The following RSU1 variants were observed in gnomAD, a reference collection of about 807,000 sequenced individuals.
RSU1 encodes rsu-1.
Under a neutral mutation model 31.1 loss-of-function variants are expected in RSU1, and 26 were observed. The observed-to-expected ratio is 0.84, with a 90% CI of 0.61 to 1.16. The LOEUF (loss-of-function observed/expected upper bound fraction) is 1.16, where lower values mean the gene tolerates loss of function less well. Among genes scored for constraint, RSU1 ranks in the 50% most tolerant of loss-of-function variants. The pLI, the probability that RSU1 is intolerant of heterozygous loss-of-function variation, is 0.00. For missense variants in RSU1, 320 were observed against 339.1 expected (o/e 0.94, Z 0.44); for synonymous variants, 164 against 136.3 (o/e 1.20, Z -1.41).
At chr10:16,727,256 G>A (rs1034197295) in intron 7 of RSU1, 1 of 395,384 alleles carries the variant, frequency 2.5e-6, no homozygotes, top group Non-Finnish European at 5.2e-6. Flanking sequence ...ATTTCACAGA[G>A]GAGATAACTT....
chr10:16,814,548 G>C (rs1007653610), intron 2 of RSU1, among the ~76,000 whole-genome samples: 1 of 151,998 alleles, frequency 6.6e-6, no homozygotes, highest in Non-Finnish European at 1.5e-5. Flanking sequence ...CACTGTGTCA[G>C]TGTGTGTGCA....
At chr10:16,713,794 T>A (rs978393787) in intron 7 of RSU1, among the ~76,000 whole-genome samples, 1 of 152,204 alleles carries the variant, frequency 6.6e-6, no homozygotes, top group African/African-American at 2.4e-5. Flanking sequence ...GAACATCTAG[T>A]GGAATAGTGA....
intron 3 of RSU1, among the ~76,000 whole-genome samples, chr10:16,780,907 C>G (rs7100686): frequency 0.24 from 36,326 of 152,150 alleles, 4,735 homozygotes; most frequent in African/African-American, 0.33. Flanking sequence ...CGTCACTCTG[C>G]CTTTGCCTTA....
intron 2 of RSU1, among the ~76,000 whole-genome samples, chr10:16,788,179 G>A (rs948644682): frequency 6.6e-6 from 1 of 152,212 alleles, no homozygotes; most frequent in Non-Finnish European, 1.5e-5. Flanking sequence ...TCAGCTTCAT[G>A]TAAGAGCAAA....
chr10:16,805,306 G>C (rs1283589961), intron 2 of RSU1, among the ~76,000 whole-genome samples: 1 of 152,152 alleles, frequency 6.6e-6, no homozygotes, highest in African/African-American at 2.4e-5. Flanking sequence ...TAGGAACGGG[G>C]GATGGAGGAG....
intron 8 of RSU1, among the ~76,000 whole-genome samples, chr10:16,624,311 A>G (rs1834120096): frequency 1.3e-5 from 2 of 152,114 alleles, no homozygotes; most frequent in Non-Finnish European, 2.9e-5. Context: ...TCCCAGCTCA[A>G]TGCCAGTTAC....
At chr10:16,768,382 A>G (rs1174877693) in intron 3 of RSU1, among the ~76,000 whole-genome samples, 1 of 152,236 alleles carries the variant, frequency 6.6e-6, no homozygotes, top group Non-Finnish European at 1.5e-5. Context: ...TAGGAAGCTT[A>G]GTCATGTAGA....
At chr10:16,785,552 C>T (rs1039726449) in intron 2 of RSU1, among the ~76,000 whole-genome samples, 1 of 140,628 alleles carries the variant, frequency 7.1e-6, no homozygotes, top group Non-Finnish European at 1.5e-5. Context: ...CTCTAGAGAA[C>T]CCTAATACAG....
At chr10:16,623,037 T>TC (rs1023784970) in intron 8 of RSU1, among the ~76,000 whole-genome samples, 3 of 152,144 alleles carry the variant, frequency 2.0e-5, no homozygotes, top group Non-Finnish European at 2.9e-5. Context: ...CTTTTTTTTT[T>TC]CCCCCAACTT....
intron 8 of RSU1, among the ~76,000 whole-genome samples, chr10:16,684,219 A>C (rs1369885354): frequency 6.6e-6 from 1 of 152,222 alleles, no homozygotes; most frequent in Non-Finnish European, 1.5e-5. Flanking sequence ...TATAGCAAAG[A>C]AACATGTTTT....
intron 8 of RSU1, among the ~76,000 whole-genome samples, chr10:16,654,501 CTT>C (rs1834739414): frequency 6.7e-6 from 1 of 149,206 alleles, no homozygotes; most frequent in Non-Finnish European, 1.5e-5. Context: ...GAAACCCTGT[CTT>C]TACTAAAAAT....
intron 8 of RSU1, among the ~76,000 whole-genome samples, chr10:16,643,409 G>A (rs1170964160): frequency 6.6e-6 from 1 of 152,100 alleles, no homozygotes; most frequent in African/African-American, 2.4e-5. Flanking sequence ...TTAGTACTTT[G>A]TGGGCAGAAG....
intron 3 of RSU1, among the ~76,000 whole-genome samples, chr10:16,778,709 G>A (rs1015477585): frequency 6.6e-6 from 1 of 152,116 alleles, no homozygotes; most frequent in South Asian, 2.1e-4. Context: ...GAGGAGGAGA[G>A]GCAGGCAAGA....
intron 3 of RSU1, among the ~76,000 whole-genome samples, chr10:16,769,298 TG>T (rs1312378426): frequency 6.6e-6 from 1 of 152,274 alleles, no homozygotes; most frequent in African/African-American, 2.4e-5. Context: ...GGCTTTCTGT[TG>T]GACAGCCACT....
chr10:16,724,069 T>C (rs949409382), intron 7 of RSU1, among the ~76,000 whole-genome samples: 1 of 152,150 alleles, frequency 6.6e-6, no homozygotes, highest in Admixed American at 6.6e-5. Context: ...GCCTCCCCAA[T>C]AGCTGGGATT....
intron 8 of RSU1, among the ~76,000 whole-genome samples, chr10:16,649,040 A>G (rs371045534): frequency 2.6e-5 from 4 of 152,310 alleles, no homozygotes; most frequent in South Asian, 2.1e-4. Flanking sequence ...GGAAAAATCC[A>G]TTTAACTATT....
chr10:16,766,876 T>A (rs954434026), intron 3 of RSU1, among the ~76,000 whole-genome samples: 18 of 150,334 alleles, frequency 1.2e-4, no homozygotes, highest in African/African-American at 3.7e-4. Context: ...AAATAAATAA[T>A]TAGCTGGGCA....
intron 3 of RSU1, among the ~76,000 whole-genome samples, chr10:16,780,539 G>A (rs1343103704): frequency 2.0e-5 from 3 of 152,116 alleles, no homozygotes; most frequent in African/African-American, 7.2e-5. Flanking sequence ...CACTGATCCT[G>A]GCCAGTTTTG....
intron 3 of RSU1, among the ~76,000 whole-genome samples, chr10:16,779,277 G>A (rs1837603101): frequency 6.6e-6 from 1 of 152,156 alleles, no homozygotes; most frequent in Admixed American, 6.5e-5. Context: ...TTTATGAACT[G>A]CAGTATTTAA....
Sources: allele counts gnomAD v4.1 joint callset (sites outside exome capture counted in the v4.1 genomes callset), GRCh38; gene constraint gnomAD v4.1.1; transcripts MANE v1.5; gene names NCBI Gene and HGNC (gene_info 2026-07-23, HGNC 2026-07-21).